Variants in GSTM4 observed in about 807,000 individuals in gnomAD.
GSTM4 encodes glutathione S-transferase mu 4.
Under a neutral mutation model 30.1 loss-of-function variants are expected in GSTM4, and 27 were observed. That is an observed-to-expected ratio of 0.90 (90% confidence interval 0.66 to 1.24). GSTM4 has a LOEUF of 1.24. Ranked by LOEUF, GSTM4 falls within the 50% of genes most tolerant of loss-of-function variation. GSTM4 has a pLI of 0.00. For synonymous variants in GSTM4, 94 were observed against 96.2 expected (o/e 0.98, Z 0.13); for missense variants, 238 against 272.1 (o/e 0.87, Z 0.88).
chr1:109,663,041 T>G (rs1652365593), downstream of GSTM4, among the ~76,000 whole-genome samples: 1 of 152,220 alleles, frequency 6.6e-6, no homozygotes, highest in African/African-American at 2.4e-5. Flanking sequence ...ATATTTACTC[T>G]GCTATAATGA....
At chr1:109,664,111 T>A (rs578201030), downstream of GSTM4, among the ~76,000 whole-genome samples, 1 of 152,348 alleles carries the variant, frequency 6.6e-6, no homozygotes, top group East Asian at 1.9e-4. Flanking sequence ...ATGGCTATCA[T>A]TACTTCCTGT....
chr1:109,665,080 G>C, downstream of GSTM4: 1 of 1,103,658 alleles, frequency 9.1e-7, no homozygotes, highest in Non-Finnish European at 1.4e-6. Flanking sequence ...TGCTCAGATG[G>C]CAGGTAAAAT....
At chr1:109,658,386 AATCTC>A (rs1441696017) in intron 5 of GSTM4, 1 of 211,568 alleles carries the variant, frequency 4.7e-6, no homozygotes, top group Non-Finnish European at 9.5e-6. Context: ...AGCCTCTCAA[AATCTC>A]ATCTCTCCAG....
chr1:109,661,313 G>C lies in GSTM4; in HGVS notation c.*59G>C. ...CCATACTCAGCCTGCTGCCCAGGCT[G>C]TGCAGCGCAGCTGGACTCTGCATCC... On this transcript the variant is annotated 3_prime_UTR_variant, in exon 8 of 8. Transcript: ENST00000369836. 1 of 1,610,688 alleles carries C rather than the reference G, an allele frequency of 6.2e-7. No individual in the cohort carries two copies. Among genetic ancestry groups the C allele is most frequent in the African/African-American group, 1.3e-5 (1 of 74,586 alleles).
At chr1:109,657,010 C>G (rs1652032794) in intron 2 of GSTM4, 1 of 781,242 alleles carries the variant, frequency 1.3e-6, no homozygotes, top group Admixed American at 2.0e-5. Flanking sequence ...CTCAGAGCTT[C>G]CCTAAACCCT....
At chr1:109,656,649 A>C in intron 1 of GSTM4, 63 bp from the exon 2 acceptor site, 6 of 1,508,758 alleles carry the variant, frequency 4.0e-6, no homozygotes, top group Non-Finnish European at 5.5e-6. Flanking sequence ...CACCTGGTGC[A>C]GAGAAAGTCA....
Position 109,656,275 on chromosome 1 carries a change from G to T in GSTM4, c.-115G>T. 1 of 1,020,308 alleles carries T rather than the reference G, an allele frequency of 9.8e-7. No homozygotes were observed. The highest frequency in any genetic ancestry group is 1.5e-6 in the Non-Finnish European group (1 of 646,200). The allele number at this position is 1,020,308 out of a possible 1,614,324, so 63.2% of individuals were successfully genotyped here. ...ACCTTGAAGATCGGCGGGCGCAGCGGGGCCGAGGGGGCGGGTCTGGCGCTA... is the reference window on the plus strand; with the variant it reads ...ACCTTGAAGATCGGCGGGCGCAGCGTGGCCGAGGGGGCGGGTCTGGCGCTA... On this transcript the variant is annotated 5_prime_UTR_variant, in exon 1 of 8. Coordinates refer to ENST00000369836, the MANE Select transcript of GSTM4 (RefSeq NM_000850.5).
At chr1:109,659,544 G>A in intron 7 of GSTM4, 1 of 519,580 alleles carries the variant, frequency 1.9e-6, no homozygotes, top group Non-Finnish European at 3.3e-6. Context: ...GATGCAGCTG[G>A]CAATAGTAGG....
downstream of GSTM4, among the ~76,000 whole-genome samples, chr1:109,662,462 C>T (rs952212761): frequency 6.6e-6 from 1 of 152,198 alleles, no homozygotes; most frequent in Non-Finnish European, 1.5e-5. Context: ...GCTGTGTTAT[C>T]ACAAATAGTT....
chr1:109,663,261 GCTGTAAGTTTT>G (rs1652370330), downstream of GSTM4, among the ~76,000 whole-genome samples: 1 of 152,166 alleles, frequency 6.6e-6, no homozygotes, highest in African/African-American at 2.4e-5. Flanking sequence ...CTGGTGCAGT[GCTGTAAGTTTT>G]CTCTCTTTAT....
intron 7 of GSTM4, chr1:109,659,360 T>C (rs1017598671): frequency 1.7e-5 from 26 of 1,492,420 alleles, no homozygotes; most frequent in Non-Finnish European, 2.3e-5. Context: ...CAGTCCTTTG[T>C]TCTGGGTCCC....
intron 7 of GSTM4, chr1:109,660,700 G>C (rs1652269982): frequency 5.6e-6 from 1 of 179,078 alleles, no homozygotes; most frequent in South Asian, 1.2e-4. Context: ...ACCTCCTGAG[G>C]GATTTGGGGG....
chr1:109,663,622 G>A (rs1652377568), downstream of GSTM4, among the ~76,000 whole-genome samples: 1 of 151,480 alleles, frequency 6.6e-6, no homozygotes, highest in East Asian at 1.9e-4. Flanking sequence ...CTGAGATCAC[G>A]CCACTGCACA....
downstream of GSTM4, among the ~76,000 whole-genome samples, chr1:109,664,306 ATT>A (rs1242148011): frequency 4.1e-5 from 5 of 122,038 alleles, no homozygotes; most frequent in African/African-American, 1.3e-4. Flanking sequence ...GTGTTATGGT[ATT>A]ATCATAGATA....
chr1:109,661,259 T>C lies in GSTM4; in HGVS notation c.*5T>C. On this transcript the variant is annotated 3_prime_UTR_variant, in exon 8 of 8. Coordinates refer to ENST00000369836, the MANE Select transcript of GSTM4 (RefSeq NM_000850.5). Reference sequence around the variant, plus strand: ...GCTGTCTGGGGCAACAAGTAATGCCTTGAAGGCCAGGAGGTGGGAGTGAGG... The same window carrying C: ...GCTGTCTGGGGCAACAAGTAATGCCCTGAAGGCCAGGAGGTGGGAGTGAGG... 1.2e-6 allele frequency: 2 copies of C among 1,612,100 alleles called. No homozygotes were observed. The highest frequency in any genetic ancestry group is 1.7e-6 in the Non-Finnish European group (2 of 1,179,682).
rs1063585 is a variant in GSTM4, at chr1:109,661,657, C to T, written c.*403C>T. ...TACAGGCCCTGCTCCTGCAGCATGGCCCCTGCCTTAGGCCTACCTGATCAA... is the reference window on the plus strand; with the variant it reads ...TACAGGCCCTGCTCCTGCAGCATGGTCCCTGCCTTAGGCCTACCTGATCAA... On this transcript the variant is annotated 3_prime_UTR_variant, in exon 8 of 8. Coordinates refer to ENST00000369836, the MANE Select transcript of GSTM4 (RefSeq NM_000850.5). 1,667 of 1,152,038 alleles carry T rather than the reference C, an allele frequency of 1.4e-3. 5 individuals carry two copies. Among genetic ancestry groups the T allele is most frequent in the South Asian group, 2.5e-3 (94 of 37,156 alleles). The allele number at this position is 1,152,038 out of a possible 1,614,324, so 71.4% of individuals were successfully genotyped here. A position where few individuals can be genotyped will look rare whatever the true frequency, so the allele number is the denominator to read the frequency against.
chr1:109,661,022 A>T, intron 7 of GSTM4, 143 bp from the exon 8 acceptor site: 1 of 1,094,362 alleles, frequency 9.1e-7, no homozygotes, highest in Non-Finnish European at 1.3e-6. Context: ...TGGGGACCCT[A>T]AGAGGCTGTG....
At chr1:109,659,644 C>T (rs529052606) in intron 7 of GSTM4, 80 of 353,578 alleles carry the variant, frequency 2.3e-4, no homozygotes, top group East Asian at 1.1e-3. Context: ...CAGACCCCCA[C>T]GTGGGGAATC....
At chr1:109,666,956 C>T (rs372925694), downstream of GSTM4, among the ~76,000 whole-genome samples, 12 of 152,192 alleles carry the variant, frequency 7.9e-5, no homozygotes, top group East Asian at 1.7e-3. Context: ...ACTAGGGTTT[C>T]TTCACCTCAG....
Sources: gnomAD v4.1 joint callset for allele counts (sites outside exome capture counted in the v4.1 genomes callset) on GRCh38, gnomAD v4.1.1 for gene constraint, MANE v1.5 for transcripts, NCBI Gene and HGNC (gene_info 2026-07-23, HGNC 2026-07-21) for gene names.